BTK: variants seen among roughly 807,000 people sequenced by gnomAD.
BTK encodes Bruton tyrosine kinase.
BTK carries 5 observed loss-of-function variants against 57.4 expected under a neutral mutation model. The ratio of observed to expected loss-of-function variants is 0.09; its 90% CI spans 0.05 to 0.18. The LOEUF is 0.18. Ranked by LOEUF, BTK falls within the 10% of genes least tolerant of loss-of-function variation. The pLI, the probability that BTK is intolerant of heterozygous loss-of-function variation, is 1.00. For missense variants in BTK, 194 were observed against 501.2 expected, an observed-to-expected ratio of 0.39 and a Z score of 5.85; for synonymous variants, 154 against 174.3, an observed-to-expected ratio of 0.88 and a Z score of 0.92.
chrX:101,364,879 C>T (rs1435296141), intron 5 of BTK, among the ~76,000 whole-genome samples: 1 of 110,579 alleles, frequency 9.0e-6, no homozygotes, highest in African/African-American at 3.3e-5. Context: ...GTAGCTGGGA[C>T]TACAGGCACG....
chrX:101,381,328 A>G (rs1555981721), intron 1 of BTK, among the ~76,000 whole-genome samples: 1 of 111,854 alleles, frequency 8.9e-6, no homozygotes, highest in Admixed American at 9.6e-5. Flanking sequence ...ACCTAGGTCC[A>G]GCTTATCTTT....
chrX:101,375,368 G>T, intron 1 of BTK, 54 bp from the exon 2 acceptor site: 1 of 1,127,717 alleles, frequency 8.9e-7, no homozygotes, highest in Non-Finnish European at 1.2e-6. Context: ...CATCCCTCTT[G>T]GTTCCCCCTC....
In BTK at chrX:101,357,523, G is replaced by A; in HGVS notation, c.1163C>T (p.Ala388Val). The A allele has an allele frequency of 8.3e-7, 1 of 1,210,531 alleles. No homozygotes were observed. Among genetic ancestry groups the A allele is most frequent in the Non-Finnish European group, 1.1e-6 (1 of 894,579 alleles). Residue 388 changes from alanine (A) to valine (V), a missense_variant, in exon 13 of 19, where the codon GCA (alanine) becomes GTA (valine). Around this residue, in one of 3 missense-constraint regions of BTK, gnomAD observed 79 missense variants for 217.7 expected, o/e 0.36. Coordinates refer to ENST00000308731, the MANE Select transcript of BTK (RefSeq NM_000061.3). The part of the protein sequence containing the change: ...SQQNKNAPST[A>V]GLGYGSWEID... ...TAAGGAGTTACCGTATCCCAGGCCT[G>A]CAGTGGAAGGTGCATTCTTGTTTTG...
chrX:101,389,688 A>G (rs1280732955), upstream of BTK, among the ~76,000 whole-genome samples: 1 of 111,070 alleles, frequency 9.0e-6, no homozygotes, highest in Non-Finnish European at 1.9e-5. Flanking sequence ...ACCATCCTCT[A>G]CACTGCAGAT....
chrX:101,369,562 A>C (rs782104587), intron 5 of BTK, among the ~76,000 whole-genome samples: 6 of 111,792 alleles, frequency 5.4e-5, no homozygotes, highest in Non-Finnish European at 7.5e-5. Context: ...CAGTGCAAAA[A>C]ATGGGACTTT....
In BTK at chrX:101,374,432, T is replaced by A. The variant is rs986555078; in HGVS notation, c.240+104A>T. On this transcript the variant is annotated intron_variant, in intron 3 of 18. Transcript: ENST00000308731. ...AGAATTTTTAAAGGAAACTTGACCG[T>A]GTTCCACGTTGCACAGCATCACCAG... 3.2e-5 allele frequency: 21 copies of A among 663,345 alleles called. No individual in the cohort carries two copies. In the African/African-American group the frequency reaches 4.5e-4, roughly 14 times the overall value. The allele number at this position is 663,345 out of a possible 1,213,427, so 54.7% of individuals were successfully genotyped here.
chrX:101,372,957 G>A (rs1313025616), intron 3 of BTK, among the ~76,000 whole-genome samples: 1 of 107,387 alleles, frequency 9.3e-6, no homozygotes. Context: ...GGTGGTGGGC[G>A]CCTGTAGTCC....
intron 5 of BTK, among the ~76,000 whole-genome samples, chrX:101,364,061 C>T (rs1421041042): frequency 1.9e-5 from 2 of 107,480 alleles, no homozygotes; most frequent in Non-Finnish European, 3.8e-5. Context: ...CAGTGGCTGG[C>T]ATAACTTTTT....
chrX:101,366,195 G>T (rs1603013517), intron 5 of BTK, among the ~76,000 whole-genome samples: 1 of 105,249 alleles, frequency 9.5e-6, no homozygotes, highest in South Asian at 4.6e-4. Context: ...TCGCTTGAAC[G>T]CAGGAGGCAG....
intron 5 of BTK, among the ~76,000 whole-genome samples, chrX:101,368,546 A>G (rs1404521756): frequency 8.9e-6 from 1 of 111,915 alleles, no homozygotes; most frequent in African/African-American, 3.2e-5. Context: ...CAGTTTCCTC[A>G]TCTGTAAATA....
At chrX:101,356,435 T>C (rs1926485338) in intron 14 of BTK, 167 bp from the exon 15 acceptor site, 3 of 477,773 alleles carry the variant, frequency 6.3e-6, no homozygotes, top group Non-Finnish European at 1.1e-5. Flanking sequence ...GCTTAAAATG[T>C]GGAAGCAAGC....
chrX:101,382,410 G>A (rs1486457088), intron 1 of BTK, among the ~76,000 whole-genome samples: 1 of 109,590 alleles, frequency 9.1e-6, no homozygotes, highest in African/African-American at 3.3e-5. Flanking sequence ...CACTGCAATC[G>A]CTACCTCCCA....
intron 5 of BTK, among the ~76,000 whole-genome samples, chrX:101,363,036 G>A (rs1035620372): frequency 7.1e-5 from 8 of 112,412 alleles, no homozygotes; most frequent in African/African-American, 2.3e-4. Context: ...GTGTTTCCCA[G>A]ATAAGGGAAA....
intron 1 of BTK, chrX:101,377,964 T>A (rs1927267155): frequency 9.1e-6 from 1 of 109,903 alleles, no homozygotes; most frequent in Non-Finnish European, 1.9e-5. Flanking sequence ...CACTCAATAA[T>A]GTGAAAGGAA....
chrX:101,353,892 G>T lies in BTK; in HGVS notation c.1728C>A (p.Ser576Arg). 1 of 1,209,682 alleles carries T rather than the reference G, an allele frequency of 8.3e-7. No individual in the cohort carries two copies. The highest frequency in any genetic ancestry group is 1.1e-6 in the Non-Finnish European group (1 of 893,297). ...TACCAAAAGCCCAAATGTCAGATTT[G>T]CTGCTGAACTTGCTATACATCAGGA... Reference protein sequence around the residue: ...PEVLMYSKFSSKSDIWAFGVL... With the variant: ...PEVLMYSKFSRKSDIWAFGVL... Residue 576 changes from serine to arginine, a missense_variant, in exon 17 of 19, where the codon AGC becomes AGA. Physicochemically the swap from Ser to Arg is moderately radical, Grantham distance 110 (BLOSUM62 -1). Coordinates refer to ENST00000308731, the MANE Select transcript of BTK (RefSeq NM_000061.3).
chrX:101,381,071 T>C lies in BTK; in HGVS notation c.-31+4991A>G, dbSNP rs782560283. Among the ~76,000 whole-genome samples, 3 of 106,501 alleles carry C rather than the reference T, an allele frequency of 2.8e-5. No homozygotes were observed. The South Asian group carries it at 1.2e-3, about 44-fold the overall frequency. The allele number at this position is 106,501 out of a possible 115,157, so 92.5% of individuals were successfully genotyped here. A position where few individuals can be genotyped will look rare whatever the true frequency, so the allele number is the denominator to read the frequency against. The stretch of plus-strand genomic sequence containing the variant: ...TATATGGTACACATTCTCCAGCAAC[T>C]TGCTTTTTTCCCCTCAATATAATAT... On this transcript the variant is annotated intron_variant, in intron 1 of 18. Coordinates refer to ENST00000308731, the MANE Select transcript of BTK (RefSeq NM_000061.3).
chrX:101,365,260 G>A (rs3027639), intron 5 of BTK, among the ~76,000 whole-genome samples: 11,001 of 111,145 alleles, frequency 0.099, 438 homozygotes, highest in South Asian at 0.26. Flanking sequence ...CTTCTGCAGG[G>A]CTGGGCACCA....
intron 4 of BTK, among the ~76,000 whole-genome samples, chrX:101,371,156 C>T (rs782589718): frequency 8.9e-6 from 1 of 112,310 alleles, no homozygotes; most frequent in Admixed American, 9.5e-5. Context: ...CTCTCCTAAA[C>T]AGATGCATAT....
intron 1 of BTK, among the ~76,000 whole-genome samples, chrX:101,382,612 C>G (rs1403069590): frequency 1.8e-5 from 2 of 111,283 alleles, no homozygotes; most frequent in Non-Finnish European, 3.8e-5. Flanking sequence ...TTCATCATCT[C>G]TTTTTGTCTT....
Sources: gnomAD v4.1 joint callset for allele counts (sites outside exome capture counted in the v4.1 genomes callset) on GRCh38, gnomAD v4.1.1 for gene constraint, gnomAD v4.1.1 regional missense constraint, MANE v1.5 for transcripts, NCBI Gene and HGNC (gene_info 2026-07-23, HGNC 2026-07-21) for gene names.